Variants in PLCB1 observed in about 807,000 individuals in gnomAD.
PLCB1 encodes phospholipase C beta 1.
Under a neutral mutation model 161.8 loss-of-function variants are expected in PLCB1, and 46 were observed. The observed-to-expected ratio is 0.28, with a 90% CI of 0.22 to 0.36. The LOEUF is 0.36. Among genes scored for constraint, PLCB1 ranks in the 10% least tolerant of loss-of-function variants. PLCB1 has a pLI of 1.00. For missense variants in PLCB1, 1,016 were observed against 1,472.5 expected (o/e 0.69, Z 5.07); for synonymous variants, 517 against 503.7 (o/e 1.03, Z -0.35).
intron 27 of PLCB1, 125 bp from the exon 28 acceptor site, chr20:8,788,324 A>G: frequency 1.2e-6 from 1 of 831,722 alleles, no homozygotes; most frequent in Non-Finnish European, 1.9e-6. Context: ...ATGTCTGACA[A>G]CTTTAACTAT....
In PLCB1 at chr20:8,795,799, CG is replaced by C. The variant is rs1339753441; in HGVS notation, c.3423+5541del. Among the ~76,000 whole-genome samples, 3 of 149,730 alleles carry C rather than the reference CG, an allele frequency of 2.0e-5. No individual in the cohort carries two copies. In the East Asian group the frequency reaches 6.0e-4, roughly 30 times the overall value. On this transcript the variant is annotated intron_variant, in intron 31 of 31. Coordinates refer to ENST00000338037, the MANE Select transcript of PLCB1 (RefSeq NM_015192.4). ...CTGAGGCAGGAGAATCACTGGAACC[CG>C]GGAGGCGGAGGTTGCAGTGAGCCGA... is the stretch of plus-strand genomic sequence containing the variant.
chr20:8,366,776 G>A (rs708933), intron 2 of PLCB1, among the ~76,000 whole-genome samples: 1 of 150,486 alleles, frequency 6.6e-6, no homozygotes, highest in South Asian at 2.1e-4. Context: ...TACATGCCTC[G>A]TTTAATGATT....
At chr20:8,649,905 G>C (rs6140666) in intron 7 of PLCB1, 14,846 of 155,300 alleles carry the variant, frequency 0.096, 1,495 homozygotes, top group African/African-American at 0.25. Context: ...ACAAATATCT[G>C]AAAATGTAGA....
intron 2 of PLCB1, among the ~76,000 whole-genome samples, chr20:8,172,201 A>G (rs1433243743): frequency 3.9e-5 from 6 of 152,230 alleles, no homozygotes; most frequent in Non-Finnish European, 8.8e-5. Flanking sequence ...CTAAATGCAT[A>G]GTAAGCAAGA....
intron 29 of PLCB1, 65 bp downstream of exon 29, chr20:8,788,787 A>T: frequency 9.7e-7 from 1 of 1,033,676 alleles, no homozygotes; most frequent in African/African-American, 1.6e-5. Flanking sequence ...TGTACGTCAG[A>T]GTCACAGGTT....
intron 2 of PLCB1, among the ~76,000 whole-genome samples, chr20:8,240,616 G>A (rs952651266): frequency 1.3e-5 from 2 of 151,876 alleles, no homozygotes; most frequent in East Asian, 1.9e-4. Context: ...ATAGGGAAGC[G>A]TAAATGCATT....
chr20:8,315,987 G>T (rs1199635408), intron 2 of PLCB1, among the ~76,000 whole-genome samples: 1 of 152,100 alleles, frequency 6.6e-6, no homozygotes, highest in Non-Finnish European at 1.5e-5. Flanking sequence ...GCTCTCAGGG[G>T]GTTGAACGCT....
rs151079719 is a variant in PLCB1 at position 8,715,225 on chromosome 20, C to T, written c.1251-1039C>T. Reference sequence around the variant, plus strand: ...CTTTGTAATGATATTTAACATTCCACGAAATGAGAAAAAAAATTATTGCTT... The same window carrying T: ...CTTTGTAATGATATTTAACATTCCATGAAATGAGAAAAAAAATTATTGCTT... On this transcript the variant is annotated intron_variant, in intron 12 of 31. Transcript: ENST00000338037. Among the ~76,000 whole-genome samples the T allele has an allele frequency of 3.3e-3, 501 of 152,146 alleles. 3 individuals are homozygous for T. Among genetic ancestry groups the T allele is most frequent in the African/African-American group, 0.011 (476 of 41,514 alleles).
At chr20:8,660,391 A>G (rs1389077809) in intron 9 of PLCB1, among the ~76,000 whole-genome samples, 1 of 152,178 alleles carries the variant, frequency 6.6e-6, no homozygotes, top group African/African-American at 2.4e-5. Context: ...ACACATTGTT[A>G]TAACAAATCC....
chr20:8,394,494 G>T (rs1252184994), intron 3 of PLCB1, among the ~76,000 whole-genome samples: 2 of 152,078 alleles, frequency 1.3e-5, no homozygotes, highest in Non-Finnish European at 2.9e-5. Context: ...CTCACACTGG[G>T]GAACAGCAGT....
chr20:8,658,593 C>T lies in PLCB1; in HGVS notation c.751C>T (p.Leu251Phe), dbSNP rs1489612712. The change falls in exon 9 of 32, where the codon CTT (leucine) becomes TTT (phenylalanine). Residue 251 changes from leucine to phenylalanine, a missense_variant. Leu to Phe is a conservative substitution (Grantham distance 22). Coordinates refer to ENST00000338037, the MANE Select transcript of PLCB1 (RefSeq NM_015192.4). ...TVDQMMDFIN[L>F]KQRDPRLNEI... ...TGATCAGATGATGGATTTTATCAAC[C>T]TTAAGCAGCGAGATCCTCGGCTTAA... 4 of 1,612,596 alleles carry T rather than the reference C, an allele frequency of 2.5e-6. No homozygotes were observed. Among genetic ancestry groups the T allele is most frequent in the Non-Finnish European group, 3.4e-6 (4 of 1,179,168 alleles).
At chr20:8,275,286 T>TGTGTGTGTGTGTGA (rs773003102) in intron 2 of PLCB1, among the ~76,000 whole-genome samples, 1 of 151,606 alleles carries the variant, frequency 6.6e-6, no homozygotes, top group African/African-American at 2.4e-5. Flanking sequence ...TGTGTGTGTG[T>TGTGTGTGTGTGTGA]GAAGCGGCAC....
chr20:8,139,128 C>G (rs1331284152), intron 1 of PLCB1, among the ~76,000 whole-genome samples: 113 of 126,194 alleles, frequency 9.0e-4, no homozygotes, highest in Non-Finnish European at 1.5e-3. Context: ...GCTCTGTCAC[C>G]CAGGCTAGAG....
chr20:8,676,493 A>T (rs1198353216), intron 9 of PLCB1, among the ~76,000 whole-genome samples: 3 of 152,356 alleles, frequency 2.0e-5, no homozygotes, highest in Non-Finnish European at 4.4e-5. Flanking sequence ...ATATGAAAAA[A>T]TGCTGAGACC....
intron 2 of PLCB1, among the ~76,000 whole-genome samples, chr20:8,311,379 G>A (rs1293200383): frequency 1.3e-5 from 2 of 152,208 alleles, no homozygotes; most frequent in Non-Finnish European, 2.9e-5. Context: ...AAATACTTAT[G>A]TGAATCTCTA....
At chr20:8,430,936 G>A (rs1256488629) in intron 3 of PLCB1, among the ~76,000 whole-genome samples, 1 of 152,072 alleles carries the variant, frequency 6.6e-6, no homozygotes, top group African/African-American at 2.4e-5. Flanking sequence ...TCTAGCCTGG[G>A]TGACAGAGCA....
intron 10 of PLCB1, 73 bp from the exon 11 acceptor site, chr20:8,697,553 G>A (rs1990609600): frequency 1.4e-6 from 2 of 1,465,090 alleles, no homozygotes; most frequent in Admixed American, 1.8e-5. Context: ...TTATTGAGGA[G>A]CCTTTCTAAG....
chr20:8,293,669 G>A (rs555514220), intron 2 of PLCB1, among the ~76,000 whole-genome samples: 3 of 152,138 alleles, frequency 2.0e-5, no homozygotes, highest in Non-Finnish European at 4.4e-5. Flanking sequence ...AGTGAAAAAG[G>A]CAATAACCTC....
At chr20:8,327,883 C>T (rs1295523954) in intron 2 of PLCB1, among the ~76,000 whole-genome samples, 1 of 150,816 alleles carries the variant, frequency 6.6e-6, no homozygotes, top group South Asian at 2.1e-4. Flanking sequence ...ATAATGTGTA[C>T]ATATGTATAG....
Sources: allele counts gnomAD v4.1 joint callset (sites outside exome capture counted in the v4.1 genomes callset), GRCh38; gene constraint gnomAD v4.1.1; transcripts MANE v1.5; gene names NCBI Gene and HGNC (gene_info 2026-07-23, HGNC 2026-07-21).